PPP4R4: variants seen among roughly 807,000 people sequenced by gnomAD.
PPP4R4 encodes serine/threonine-protein phosphatase 4 regulatory subunit 4.
Under a neutral mutation model 121.8 loss-of-function variants are expected in PPP4R4, and 70 were observed. The observed-to-expected ratio is 0.57, with a 90% CI of 0.47 to 0.70. The LOEUF is 0.70. PPP4R4 is among the 30% of genes least tolerant of loss of function. PPP4R4 has a pLI of 0.00. For missense variants in PPP4R4, 875 were observed against 1,033.6 expected, an observed-to-expected ratio of 0.85 and a Z score of 2.10; for synonymous variants, 348 against 355.7, an observed-to-expected ratio of 0.98 and a Z score of 0.24.
intron 2 of PPP4R4, among the ~76,000 whole-genome samples, chr14:94,187,353 T>C (rs1889345760): frequency 6.6e-6 from 1 of 152,188 alleles, no homozygotes; most frequent in Non-Finnish European, 1.5e-5. Context: ...ACTTTAATAT[T>C]CACATATTCA....
chr14:94,272,632 A>G (rs768555918), intron 23 of PPP4R4, among the ~76,000 whole-genome samples: 2 of 152,234 alleles, frequency 1.3e-5, no homozygotes, highest in Non-Finnish European at 2.9e-5. Context: ...GGCGCAATCT[A>G]TGAAATAAAG....
At chr14:94,221,871 C>T (rs1350252232) in intron 3 of PPP4R4, among the ~76,000 whole-genome samples, 2 of 152,030 alleles carry the variant, frequency 1.3e-5, no homozygotes, top group African/African-American at 4.8e-5. Flanking sequence ...AATGAAGCAT[C>T]TTTTCATATA....
Position 94,174,368 on chromosome 14 carries a change from G to A in PPP4R4, c.-98G>A, listed in dbSNP as rs1246071945. On this transcript the variant is annotated 5_prime_UTR_variant, in exon 1 of 25. Coordinates refer to ENST00000304338, the MANE Select transcript of PPP4R4 (RefSeq NM_058237.2). Reference sequence around the variant, plus strand: ...CCTCACGCTCGGCTCCAGCGGCCAAGAGCCGGAGAAAGTCCTGCTGGTGGG... The same window carrying A: ...CCTCACGCTCGGCTCCAGCGGCCAAAAGCCGGAGAAAGTCCTGCTGGTGGG... 1 of 1,120,464 alleles carries A rather than the reference G, an allele frequency of 8.9e-7. No homozygotes were observed. The highest frequency in any genetic ancestry group is 3.0e-5 in the South Asian group (1 of 33,402). The allele number at this position is 1,120,464 out of a possible 1,614,324, so 69.4% of individuals were successfully genotyped here.
chr14:94,221,200 G>T (rs186075864), intron 3 of PPP4R4, among the ~76,000 whole-genome samples: 26 of 152,164 alleles, frequency 1.7e-4, no homozygotes, highest in African/African-American at 6.0e-4. Context: ...TCCATACCTT[G>T]CTCCATATGC....
In PPP4R4 at chr14:94,244,673, T is replaced by G. The variant is rs1892799240; in HGVS notation, c.1305T>G (p.His435Gln). The change falls in exon 12 of 25, where the codon CAT becomes CAG. Residue 435 changes from histidine to glutamine, a missense_variant. His to Gln is a conservative substitution (Grantham distance 24). Transcript: ENST00000304338. Reference sequence around the variant, plus strand: ...TGAATTCTGGAGTATATTTAATACATAAAGAACTAATAACATTATTACAAG... The same window carrying G: ...TGAATTCTGGAGTATATTTAATACAGAAAGAACTAATAACATTATTACAAG... ...KLLNSGVYLI[H>Q]KELITLLQDE... 2 of 1,495,230 alleles carry G rather than the reference T, an allele frequency of 1.3e-6. No individual in the cohort carries two copies. Among genetic ancestry groups the G allele is most frequent in the African/African-American group, 2.8e-5 (2 of 70,692 alleles). 92.6% of individuals were successfully genotyped at this position (1,495,230 alleles called of 1,614,324 possible). A position where few individuals can be genotyped will look rare whatever the true frequency, so the allele number is the denominator to read the frequency against.
intron 23 of PPP4R4, among the ~76,000 whole-genome samples, chr14:94,273,380 C>T (rs1205667355): frequency 6.6e-6 from 1 of 152,026 alleles, no homozygotes; most frequent in Non-Finnish European, 1.5e-5. Flanking sequence ...CAAATCGAAA[C>T]ATTCCAACTA....
At chr14:94,236,079 A>G (rs1892331978) in intron 7 of PPP4R4, among the ~76,000 whole-genome samples, 1 of 152,200 alleles carries the variant, frequency 6.6e-6, no homozygotes, top group African/African-American at 2.4e-5. Context: ...GTGGAATGTC[A>G]CACAGGGTAT....
chr14:94,266,788 GAAGT>G (rs1159642516), intron 22 of PPP4R4, among the ~76,000 whole-genome samples, 167 bp from the exon 23 acceptor site: 2 of 152,232 alleles, frequency 1.3e-5, no homozygotes, highest in Non-Finnish European at 2.9e-5. Context: ...AGTTATAGAC[GAAGT>G]AAGTGTTGTG....
At chr14:94,266,142 A>G (rs374968119) in intron 22 of PPP4R4, among the ~76,000 whole-genome samples, 2 of 152,142 alleles carry the variant, frequency 1.3e-5, no homozygotes, top group East Asian at 3.8e-4. Context: ...CATAGAATCC[A>G]TATATTATTT....
intron 12 of PPP4R4, among the ~76,000 whole-genome samples, chr14:94,245,025 CT>C (rs1244667075): frequency 6.6e-6 from 1 of 151,784 alleles, no homozygotes; most frequent in Non-Finnish European, 1.5e-5. Flanking sequence ...TTTTCTTTTT[CT>C]TTTTTATATG....
At position 94,251,817 on chromosome 14, in the gene PPP4R4, A is replaced by T; in HGVS notation, c.1786A>T (p.Ile596Leu). 1.3e-6 allele frequency: 2 copies of T among 1,598,194 alleles called. No individual in the cohort carries two copies. The highest frequency in any genetic ancestry group is 1.7e-6 in the Non-Finnish European group (2 of 1,169,438). The part of the protein sequence containing the change: ...FLDTCEFIIE[I>L]FSKSFFCKYF... The stretch of plus-strand genomic sequence containing the variant: ...GGATACCTGTGAATTTATTATAGAG[A>T]TATTTTCAAAATCATTTTTCTGTAA... Residue 596 changes from isoleucine (I) to leucine (L), a missense_variant, in exon 16 of 25, where the codon ATA becomes TTA. Ile to Leu is a conservative substitution (Grantham distance 5, BLOSUM62 2). Coordinates refer to ENST00000304338, the MANE Select transcript of PPP4R4 (RefSeq NM_058237.2).
At chr14:94,243,808 G>A (rs1292467776) in intron 11 of PPP4R4, among the ~76,000 whole-genome samples, 4 of 151,488 alleles carry the variant, frequency 2.6e-5, no homozygotes, top group Admixed American at 6.6e-5. Flanking sequence ...AAAATCCACT[G>A]GTGGATTTAA....
chr14:94,202,680 C>A (rs958162734), intron 2 of PPP4R4, among the ~76,000 whole-genome samples: 15 of 152,020 alleles, frequency 9.9e-5, no homozygotes, highest in Non-Finnish European at 1.8e-4. Flanking sequence ...TAACTGATTT[C>A]AAAAATTAAC....
intron 2 of PPP4R4, among the ~76,000 whole-genome samples, chr14:94,204,268 G>T (rs1309150181): frequency 6.6e-6 from 1 of 150,796 alleles, no homozygotes; most frequent in Non-Finnish European, 1.5e-5. Flanking sequence ...GGTCATGTCA[G>T]TTTTTTTTTG....
chr14:94,174,352 C>G lies in PPP4R4; in HGVS notation c.-114C>G, dbSNP rs1156608610. The stretch of plus-strand genomic sequence containing the variant: ...TCCCGCCGCCTGGCAGCCTCACGCT[C>G]GGCTCCAGCGGCCAAGAGCCGGAGA... On this transcript the variant is annotated 5_prime_UTR_variant, in exon 1 of 25. Transcript: ENST00000304338. 1.0e-6 allele frequency: 1 copy of G among 977,526 alleles called. No homozygotes were observed. The highest frequency in any genetic ancestry group is 1.7e-5 in the African/African-American group (1 of 58,224). 60.6% of individuals were successfully genotyped at this position (977,526 alleles called of 1,614,324 possible).
At chr14:94,234,012 A>G (rs1329615632) in intron 6 of PPP4R4, among the ~76,000 whole-genome samples, 1 of 152,126 alleles carries the variant, frequency 6.6e-6, no homozygotes, top group African/African-American at 2.4e-5. Flanking sequence ...CTCATACCAA[A>G]TATAGTTTTG....
At chr14:94,197,044 C>CT (rs1440889952) in intron 2 of PPP4R4, among the ~76,000 whole-genome samples, 1 of 151,998 alleles carries the variant, frequency 6.6e-6, no homozygotes, top group African/African-American at 2.4e-5. Flanking sequence ...CTAGAGCTCC[C>CT]TTTTTTGTTG....
intron 2 of PPP4R4, among the ~76,000 whole-genome samples, chr14:94,186,307 G>A (rs78111684): frequency 0.023 from 3,468 of 152,068 alleles, 55 homozygotes; most frequent in African/African-American, 0.043. Context: ...TGTGCTTTCC[G>A]TTACTATAAA....
At chr14:94,194,720 T>C (rs1336928924) in intron 2 of PPP4R4, among the ~76,000 whole-genome samples, 1 of 152,148 alleles carries the variant, frequency 6.6e-6, no homozygotes, top group African/African-American at 2.4e-5. Context: ...CTTCCTCTCT[T>C]AGTCTCTTGA....
Sources: gnomAD v4.1 joint callset for allele counts (sites outside exome capture counted in the v4.1 genomes callset) on GRCh38, gnomAD v4.1.1 for gene constraint, MANE v1.5 for transcripts, NCBI Gene and HGNC (gene_info 2026-07-23, HGNC 2026-07-21) for gene names.